HERC2: variants seen among roughly 807,000 people sequenced by gnomAD.
HERC2 encodes E3 ubiquitin-protein ligase HERC2.
In HERC2, 102 loss-of-function variants were observed where a neutral mutation model predicts 537.7. The ratio of observed to expected loss-of-function variants is 0.19; its 90% CI spans 0.16 to 0.22. The LOEUF (loss-of-function observed/expected upper bound fraction) is 0.22, where lower values mean the gene tolerates loss of function less well. Among genes scored for constraint, HERC2 ranks in the 10% least tolerant of loss-of-function variants. The probability of loss-of-function intolerance (pLI) is 1.00; values close to 1 mark genes in which losing one functional copy is unlikely to be tolerated. For missense variants in HERC2, 4,236 were observed against 6,198.2 expected, an observed-to-expected ratio of 0.68 and a Z score of 10.63; for synonymous variants, 2,224 against 2,466.2, an observed-to-expected ratio of 0.90 and a Z score of 2.91.
At position 28,270,555 on chromosome 15, in the gene HERC2, C is replaced by T. The variant is rs573066362; in HGVS notation, c.1257+140G>A. The T allele has an allele frequency of 4.9e-6, 4 of 814,366 alleles. No homozygotes were observed. The South Asian group carries it at 7.4e-5, about 15-fold the overall frequency. The allele number at this position is 814,366 out of a possible 1,614,324, so 50.4% of individuals were successfully genotyped here. A position where few individuals can be genotyped will look rare whatever the true frequency, so the allele number is the denominator to read the frequency against. ...CTCTCAACACGGATAACACCTTCAA[C>T]TGCAAACGCGTTTAAAAACCACAGG... On this transcript the variant is annotated intron_variant, in intron 10 of 92. Coordinates refer to ENST00000261609, the MANE Select transcript of HERC2 (RefSeq NM_004667.6).
intron 25 of HERC2, 136 bp from the exon 26 acceptor site, chr15:28,237,249 T>C: frequency 1.5e-6 from 1 of 650,738 alleles, no homozygotes; most frequent in Non-Finnish European, 2.8e-6. Context: ...CCCTCCATCC[T>C]GTAATGAGTT....
Position 28,269,383 on chromosome 15 carries a change from G to A in HERC2, c.1311C>T (p.Ala437=), listed in dbSNP as rs2075658500. 2 of 1,613,962 alleles carry A rather than the reference G, an allele frequency of 1.2e-6. No homozygotes were observed. Among genetic ancestry groups the A allele is most frequent in the African/African-American group, 1.3e-5 (1 of 74,892 alleles). ...CGCACTGGATTGGACCAATCACATT[G>A]GCATAGTATTTCCATCCTATTAACC... ...GWGLIGWKYY[A]NVIGPIQCEG... The change falls in exon 11 of 93, where the codon GCC becomes GCT. Residue 437 remains alanine (A), a synonymous_variant. Transcript: ENST00000261609.
In HERC2 at chr15:28,177,185, G is replaced by GA; in HGVS notation, c.9255-59dup. ...AATCTGTCCCTTCTTAGAGATGAAG[G>GA]AAAAAAGACATCTATACTGATCCAC... On this transcript the variant is annotated intron_variant, in intron 60 of 92. Transcript: ENST00000261609. This position sits in a 1 kb window ranked among gnomAD's most constrained non-coding sequence, Gnocchi z 5.0. 6.6e-7 allele frequency: 1 copy of GA among 1,516,276 alleles called. No homozygotes were observed. The highest frequency in any genetic ancestry group is 9.0e-7 in the Non-Finnish European group (1 of 1,116,628). 93.9% of individuals were successfully genotyped at this position (1,516,276 alleles called of 1,614,324 possible). A position where few individuals can be genotyped will look rare whatever the true frequency, so the allele number is the denominator to read the frequency against.
chr15:28,138,693 C>T lies in HERC2; in HGVS notation c.12015+2739G>A, dbSNP rs192450449. 5.0e-3 allele frequency among the ~76,000 whole-genome samples: 767 copies of T among 152,140 alleles called. 17 individuals are homozygous for T. Among genetic ancestry groups the T allele is most frequent in the Admixed American group, 8.8e-3 (135 of 15,292 alleles). On this transcript the variant is annotated intron_variant, in intron 78 of 92. Coordinates refer to ENST00000261609, the MANE Select transcript of HERC2 (RefSeq NM_004667.6). ...GAGATTAAAGTTGTTTTCATGCCGG[C>T]TAACACATCATTTTTTCTGCAGCCA...
At chr15:28,291,166 TTGTC>T (rs1379502510) in intron 4 of HERC2, among the ~76,000 whole-genome samples, 15 of 152,212 alleles carry the variant, frequency 9.9e-5, no homozygotes, top group African/African-American at 3.6e-4. Flanking sequence ...CATACGCACT[TTGTC>T]TGGCCTACTG....
At chr15:28,169,762 T>C (rs1894506373) in intron 65 of HERC2, 107 bp from the exon 66 acceptor site, 1 of 1,044,792 alleles carries the variant, frequency 9.6e-7, no homozygotes, top group Non-Finnish European at 1.4e-6. Context: ...CAATCTGCAT[T>C]TTGCTATTTC....
intron 20 of HERC2, among the ~76,000 whole-genome samples, chr15:28,254,084 G>A (rs2075174875): frequency 6.6e-6 from 1 of 152,134 alleles, no homozygotes; most frequent in South Asian, 2.1e-4. Context: ...AGGAGTTCAA[G>A]ACAAGCCTGA....
intron 5 of HERC2, among the ~76,000 whole-genome samples, chr15:28,276,293 G>A (rs1490542694): frequency 1.3e-5 from 2 of 151,886 alleles, no homozygotes; most frequent in Non-Finnish European, 2.9e-5. Flanking sequence ...GCTGGCCAGG[G>A]GCAACAGTAC....
chr15:28,168,578 G>A lies in HERC2; in HGVS notation c.10242C>T (p.Val3414=), dbSNP rs376345125. The change falls in exon 67 of 93, where the codon GTC becomes GTT. Residue 3414 remains valine, a synonymous_variant. Transcript: ENST00000261609. ...TCATGGCGGCCGGCATCAGGGCCCCGACAACAGCATCTCTGTCAGGACACA... is the reference window on the plus strand; with the variant it reads ...TCATGGCGGCCGGCATCAGGGCCCCAACAACAGCATCTCTGTCAGGACACA... ...LQIMYARDAV[V]GALMPAAMIA... is the part of the protein sequence containing the mutation. 2.6e-5 allele frequency: 42 copies of A among 1,613,446 alleles called. No homozygotes were observed. Among genetic ancestry groups the A allele is most frequent in the Non-Finnish European group, 3.1e-5 (36 of 1,179,734 alleles).
chr15:28,148,645 G>GAACA (rs1892024554), intron 70 of HERC2, among the ~76,000 whole-genome samples: 1 of 147,038 alleles, frequency 6.8e-6, no homozygotes, highest in African/African-American at 2.5e-5. Flanking sequence ...AACCGAGAAC[G>GAACA]GCCACACGAA....
At chr15:28,193,607 C>T (rs1897059079) in intron 52 of HERC2, among the ~76,000 whole-genome samples, 1 of 152,080 alleles carries the variant, frequency 6.6e-6, no homozygotes, top group African/African-American at 2.4e-5. Context: ...ATATCATGCC[C>T]CAGAAGCCCT....
chr15:28,117,406 T>A, intron 86 of HERC2: 1 of 695,428 alleles, frequency 1.4e-6, no homozygotes, highest in Non-Finnish European at 2.6e-6. Context: ...AGGACTAGTG[T>A]GTCTGAACAA....
rs999557616 is a variant in HERC2, at chr15:28,111,067, T to C, written c.*696A>G. 15 of 152,236 alleles carry C rather than the reference T, an allele frequency of 9.9e-5. No homozygotes were observed. Among genetic ancestry groups the C allele is most frequent in the Non-Finnish European group, 1.5e-5 (1 of 68,048 alleles). 9.4% of individuals were successfully genotyped at this position (152,236 alleles called of 1,614,324 possible). A position where few individuals can be genotyped will look rare whatever the true frequency, so the allele number is the denominator to read the frequency against. ...TTATGTCAGATGTTTTATTTATAGATAATTAAAATTTAGGCATATACATGA... is the reference window on the plus strand; with the variant it reads ...TTATGTCAGATGTTTTATTTATAGACAATTAAAATTTAGGCATATACATGA... On this transcript the variant is annotated 3_prime_UTR_variant, in exon 93 of 93. Transcript: ENST00000261609.
rs754286436 is a variant in HERC2, at chr15:28,179,038, GA to G, written c.9020-9del. On this transcript the variant is annotated splice_polypyrimidine_tract_variant and intron_variant, in intron 58 of 92. Transcript: ENST00000261609. ...CCTTCCCTTCCACAGTCACTGCAAG[GA>G]ACGACAGCCAGGAGAGGACTCTCTT... 2 of 1,612,642 alleles carry G rather than the reference GA, an allele frequency of 1.2e-6. No individual in the cohort carries two copies. Among genetic ancestry groups the G allele is most frequent in the Non-Finnish European group, 8.5e-7 (1 of 1,179,250 alleles).
Position 28,224,579 on chromosome 15 carries a change from C to T in HERC2, c.5465-2364G>A, listed in dbSNP as rs532725391. Among the ~76,000 whole-genome samples, 95 of 152,248 alleles carry T rather than the reference C, an allele frequency of 6.2e-4. No individual in the cohort carries two copies. The East Asian group carries it at 0.01, about 16-fold the overall frequency. On this transcript the variant is annotated intron_variant, in intron 35 of 92. Coordinates refer to ENST00000261609, the MANE Select transcript of HERC2 (RefSeq NM_004667.6). Reference sequence around the variant, plus strand: ...ATTAAAAGAGCTTGGGAAAACCTTGCTTTTTCACTGTGACTTTGATAACTG... The same window carrying T: ...ATTAAAAGAGCTTGGGAAAACCTTGTTTTTTCACTGTGACTTTGATAACTG...
chr15:28,299,837 G>T (rs1291832646), intron 2 of HERC2, among the ~76,000 whole-genome samples: 1 of 151,918 alleles, frequency 6.6e-6, no homozygotes, highest in Admixed American at 6.6e-5. Flanking sequence ...ACATCACGGG[G>T]GATCAGGAAT....
chr15:28,262,127 C>T (rs2075431582), intron 15 of HERC2, among the ~76,000 whole-genome samples: 1 of 152,176 alleles, frequency 6.6e-6, no homozygotes, highest in South Asian at 2.1e-4. Context: ...TTCCCTTCTT[C>T]CTACTTTCTT....
chr15:28,190,552 C>T (rs1896764169), intron 55 of HERC2: 1 of 173,886 alleles, frequency 5.8e-6, no homozygotes, highest in Non-Finnish European at 1.2e-5. Context: ...CACTCCGTGA[C>T]AAGTTCAGCA....
chr15:28,142,166 T>C, intron 76 of HERC2, 72 bp downstream of exon 76: 1 of 1,515,518 alleles, frequency 6.6e-7, no homozygotes, highest in East Asian at 2.3e-5. Flanking sequence ...CTCGTAATAT[T>C]GGCATCTTGT....
Sources: allele counts gnomAD v4.1 joint callset (sites outside exome capture counted in the v4.1 genomes callset), GRCh38; gene constraint gnomAD v4.1.1; non-coding constraint Gnocchi (gnomAD v3.1); transcripts MANE v1.5; gene names NCBI Gene and HGNC (gene_info 2026-07-23, HGNC 2026-07-21).